The following ECT2L variants were observed in gnomAD, a reference collection of about 807,000 sequenced individuals.
ECT2L encodes the protein epithelial cell transforming 2 like, also known as epithelial cell-transforming sequence 2 oncogene-like.
ECT2L carries 126 observed loss-of-function variants against 122.8 expected under a neutral mutation model. The ratio of observed to expected loss-of-function variants is 1.03; its 90% CI spans 0.89 to 1.19. The LOEUF is 1.19. Among genes scored for constraint, ECT2L ranks in the 50% most tolerant of loss-of-function variants. The pLI is 0.00. For synonymous variants in ECT2L, 385 were observed against 381.8 expected (o/e 1.01, Z -0.10); for missense variants, 1,012 against 1,064.1 (o/e 0.95, Z 0.68).
chr6:138,802,971 G>A (rs891563752), intron 1 of ECT2L, among the ~76,000 whole-genome samples: 3 of 151,982 alleles, frequency 2.0e-5, no homozygotes, highest in African/African-American at 7.3e-5. Flanking sequence ...AGCTACTCAG[G>A]AAGCTGAGGC....
At chr6:138,890,381 A>G (rs1362618454) in intron 20 of ECT2L, among the ~76,000 whole-genome samples, 2 of 152,044 alleles carry the variant, frequency 1.3e-5, no homozygotes, top group East Asian at 3.9e-4. Context: ...GGGTAGGTGG[A>G]AGAAATCAGT....
intron 4 of ECT2L, among the ~76,000 whole-genome samples, chr6:138,834,365 T>TC (rs1776750516): frequency 1.3e-5 from 2 of 152,164 alleles, no homozygotes; most frequent in Non-Finnish European, 2.9e-5. Flanking sequence ...GGAAGCATTT[T>TC]TCTTTCTTCT....
At chr6:138,869,548 A>G (rs918266027) in intron 13 of ECT2L, among the ~76,000 whole-genome samples, 4 of 152,200 alleles carry the variant, frequency 2.6e-5, no homozygotes, top group Non-Finnish European at 4.4e-5. Flanking sequence ...CAGCCCAATG[A>G]CGAAAGGCCT....
intron 19 of ECT2L, among the ~76,000 whole-genome samples, chr6:138,888,358 C>T (rs1778901947): frequency 4.0e-5 from 6 of 148,288 alleles, no homozygotes; most frequent in Admixed American, 2.7e-4. Context: ...ACTCTGTTGC[C>T]CAGGCTGGAG....
At position 138,838,988 on chromosome 6, in the gene ECT2L, G is replaced by T. The variant is rs376627492; in HGVS notation, c.342+474G>T. 2.6e-4 allele frequency among the ~76,000 whole-genome samples: 40 copies of T among 152,274 alleles called. 2 individuals carry two copies. The South Asian group carries it at 8.1e-3, about 31-fold the overall frequency. ...GTAGAGACGGGGTTTTACCATGTTG[G>T]TCAGGCTTGTCTCGCACTCCTGACC... is the stretch of plus-strand genomic sequence containing the variant. On this transcript the variant is annotated intron_variant, in intron 5 of 21. Coordinates refer to ENST00000541398, the MANE Select transcript of ECT2L (RefSeq NM_001077706.3).
At chr6:138,893,417 T>TG (rs1414649207) in intron 20 of ECT2L, among the ~76,000 whole-genome samples, 2 of 151,354 alleles carry the variant, frequency 1.3e-5, no homozygotes, top group African/African-American at 4.8e-5. Context: ...ATATATATTT[T>TG]TTTATTTTTA....
chr6:138,811,143 G>A (rs991008120), intron 1 of ECT2L, among the ~76,000 whole-genome samples: 15 of 152,162 alleles, frequency 9.9e-5, no homozygotes, highest in African/African-American at 3.4e-4. Flanking sequence ...GCTTCCCTCT[G>A]GTGTGCCCTC....
chr6:138,891,665 T>C (rs367570804), intron 20 of ECT2L, among the ~76,000 whole-genome samples: 13 of 152,330 alleles, frequency 8.5e-5, no homozygotes, highest in African/African-American at 3.1e-4. Context: ...CTTACATATA[T>C]TGATTGATGT....
chr6:138,885,614 C>T (rs1013426895), intron 17 of ECT2L, 35 bp downstream of exon 17: 1 of 1,613,986 alleles, frequency 6.2e-7, no homozygotes, highest in Non-Finnish European at 8.5e-7. Flanking sequence ...AGGGGTCCCC[C>T]CAGAGAGGGC....
chr6:138,833,912 C>A lies in ECT2L; in HGVS notation c.180-4440C>A, dbSNP rs138222740. On this transcript the variant is annotated intron_variant, in intron 4 of 21. Coordinates refer to ENST00000541398, the MANE Select transcript of ECT2L (RefSeq NM_001077706.3). ...TAAAAGTGTTTGTAAAGAAGCCACC[C>A]GACAAGGCTTAGAGGTGCTACCTAG... 9.9e-5 allele frequency among the ~76,000 whole-genome samples: 15 copies of A among 152,174 alleles called. 1 individual carries two copies. Among genetic ancestry groups the A allele is most frequent in the African/African-American group, 3.4e-4 (14 of 41,510 alleles).
At chr6:138,800,908 C>T (rs1437514526) in intron 1 of ECT2L, among the ~76,000 whole-genome samples, 1 of 152,132 alleles carries the variant, frequency 6.6e-6, no homozygotes, top group Non-Finnish European at 1.5e-5. Context: ...GTGAGGGCTG[C>T]TCTCTGCTTC....
chr6:138,870,001 T>C (rs1789730592), intron 13 of ECT2L, among the ~76,000 whole-genome samples: 1 of 152,222 alleles, frequency 6.6e-6, no homozygotes, highest in South Asian at 2.1e-4. Flanking sequence ...TGAGATGAAC[T>C]AGAAAGTCTC....
intron 14 of ECT2L, among the ~76,000 whole-genome samples, chr6:138,878,305 A>G (rs1217887941): frequency 9.4e-6 from 1 of 106,000 alleles, no homozygotes; most frequent in African/African-American, 3.6e-5. Flanking sequence ...ACATATATAT[A>G]TACACACACA....
chr6:138,901,918 A>T (rs952511941), intron 21 of ECT2L, among the ~76,000 whole-genome samples: 1 of 152,240 alleles, frequency 6.6e-6, no homozygotes, highest in Admixed American at 6.5e-5. Flanking sequence ...TCTAAATCTG[A>T]GCCTGAGAAA....
intron 4 of ECT2L, among the ~76,000 whole-genome samples, chr6:138,833,111 G>C (rs897838963): frequency 4.6e-5 from 7 of 152,062 alleles, no homozygotes; most frequent in South Asian, 2.1e-4. Context: ...CAGCGTGGGG[G>C]AAACCACCTC....
At chr6:138,882,673 G>A (rs568683471) in intron 15 of ECT2L, 51 bp from the exon 16 acceptor site, 2 of 1,600,776 alleles carry the variant, frequency 1.2e-6, no homozygotes, top group African/African-American at 1.3e-5. Flanking sequence ...ATTTGGGTTT[G>A]TAAGTTATCA....
chr6:138,797,495 C>T (rs900776294), intron 1 of ECT2L, among the ~76,000 whole-genome samples: 2 of 152,172 alleles, frequency 1.3e-5, no homozygotes, highest in Non-Finnish European at 2.9e-5. Context: ...ACTTGCATTT[C>T]TCCAGCTGTA....
chr6:138,824,730 T>C (rs1224412011), intron 4 of ECT2L, among the ~76,000 whole-genome samples: 1 of 152,066 alleles, frequency 6.6e-6, no homozygotes, highest in Non-Finnish European at 1.5e-5. Context: ...GCAGCAGGAA[T>C]GGTTGTTGAG....
At chr6:138,802,396 G>A (rs1775571947) in intron 1 of ECT2L, among the ~76,000 whole-genome samples, 1 of 152,184 alleles carries the variant, frequency 6.6e-6, no homozygotes, top group African/African-American at 2.4e-5. Context: ...TGAGTTTTGG[G>A]ACAATTTGTT....
Sources: allele counts gnomAD v4.1 joint callset (sites outside exome capture counted in the v4.1 genomes callset), GRCh38; gene constraint gnomAD v4.1.1; transcripts MANE v1.5; gene names NCBI Gene and HGNC (gene_info 2026-07-23, HGNC 2026-07-21).